The following EPHB2 variants were observed in gnomAD, a reference collection of about 807,000 sequenced individuals.
EPHB2 encodes the protein ephrin type-B receptor 2.
EPHB2 carries 18 observed loss-of-function variants against 96.4 expected under a neutral mutation model. That is an observed-to-expected ratio of 0.19 (90% CI 0.13 to 0.28). The LOEUF is 0.28. Among genes scored for constraint, EPHB2 ranks in the 10% least tolerant of loss-of-function variants. EPHB2 has a pLI of 1.00. For missense variants in EPHB2, 989 were observed against 1,355.4 expected, an observed-to-expected ratio of 0.73 and a Z score of 4.25; for synonymous variants, 506 against 534.1, an observed-to-expected ratio of 0.95 and a Z score of 0.72.
At chr1:22,779,777 G>A (rs1396054295) in intron 1 of EPHB2, among the ~76,000 whole-genome samples, 2 of 152,222 alleles carry the variant, frequency 1.3e-5, no homozygotes, top group Admixed American at 6.5e-5. Flanking sequence ...CTGGACCAGG[G>A]ATAGCATCTC....
intron 1 of EPHB2, among the ~76,000 whole-genome samples, chr1:22,738,543 C>A (rs753605804): frequency 9.2e-5 from 14 of 152,208 alleles, no homozygotes; most frequent in Non-Finnish European, 1.8e-4. Context: ...CAGAAGTCAT[C>A]CAGGTAGTAA....
At chr1:22,812,241 G>A (rs980626930) in intron 3 of EPHB2, among the ~76,000 whole-genome samples, 2 of 152,232 alleles carry the variant, frequency 1.3e-5, no homozygotes, top group Non-Finnish European at 2.9e-5. Context: ...AGGGAGGGAA[G>A]GGGAGCTTCC....
intron 1 of EPHB2, among the ~76,000 whole-genome samples, chr1:22,737,574 C>T (rs1643859204): frequency 6.6e-6 from 1 of 152,232 alleles, no homozygotes; most frequent in African/African-American, 2.4e-5. Context: ...AGGCCCAACT[C>T]AAATGTCCCC....
At chr1:22,891,961 A>ATT (rs528214016) in intron 6 of EPHB2, among the ~76,000 whole-genome samples, 5 of 138,666 alleles carry the variant, frequency 3.6e-5, no homozygotes, top group Non-Finnish European at 6.3e-5. Flanking sequence ...TGCCCAGCTA[A>ATT]TTTTTTTTTT....
chr1:22,843,421 G>C (rs1047744503), intron 3 of EPHB2, among the ~76,000 whole-genome samples: 1 of 152,120 alleles, frequency 6.6e-6, no homozygotes, highest in African/African-American at 2.4e-5. Context: ...TGGGGATTTG[G>C]TGTACAGATT....
chr1:22,881,425 C>T (rs992712597), intron 5 of EPHB2, among the ~76,000 whole-genome samples: 11 of 151,780 alleles, frequency 7.2e-5, no homozygotes, highest in African/African-American at 1.7e-4. Flanking sequence ...GGCATGGTGG[C>T]GCACACCTGT....
At chr1:22,908,949 G>A (rs2124118474) in intron 12 of EPHB2, 73 bp from the exon 13 acceptor site, 4 of 1,595,716 alleles carry the variant, frequency 2.5e-6, no homozygotes, top group South Asian at 1.1e-5. Context: ...CAGGGCACAG[G>A]GTGGGAGGAT....
At chr1:22,831,320 A>G (rs1243746501) in intron 3 of EPHB2, among the ~76,000 whole-genome samples, 5 of 152,258 alleles carry the variant, frequency 3.3e-5, no homozygotes, top group African/African-American at 1.2e-4. Flanking sequence ...ACAAACCCAG[A>G]ACTGGGATGG....
chr1:22,809,733 G>A lies in EPHB2; in HGVS notation c.811+24657G>A, dbSNP rs572715147. Among the ~76,000 whole-genome samples, 69 of 152,286 alleles carry A rather than the reference G, an allele frequency of 4.5e-4. 1 individual carries two copies. The South Asian group carries it at 0.013, about 29-fold the overall frequency. ...GAACAGACCTCCCTCTTGGTCTCTG[G>A]TTGATTGTATGTAGCACTGTATTAG... On this transcript the variant is annotated intron_variant, in intron 3 of 15. Transcript: ENST00000374630.
intron 3 of EPHB2, among the ~76,000 whole-genome samples, chr1:22,787,980 C>T (rs1644636274): frequency 6.6e-6 from 1 of 152,208 alleles, no homozygotes; most frequent in African/African-American, 2.4e-5. Context: ...CAGTGACATT[C>T]CCCAGAGTGA....
At chr1:22,904,860 G>A (rs1639858472) in intron 9 of EPHB2, among the ~76,000 whole-genome samples, 2 of 152,208 alleles carry the variant, frequency 1.3e-5, no homozygotes, top group African/African-American at 2.4e-5. Flanking sequence ...ATATGTCCAA[G>A]GTCACACAGC....
chr1:22,892,165 A>G (rs1639411524), intron 6 of EPHB2, among the ~76,000 whole-genome samples: 1 of 152,060 alleles, frequency 6.6e-6, no homozygotes, highest in African/African-American at 2.4e-5. Context: ...TCTGGACCTT[A>G]GTTCTTGACT....
intron 1 of EPHB2, among the ~76,000 whole-genome samples, chr1:22,712,340 C>A (rs537468388): frequency 2.6e-5 from 4 of 152,182 alleles, no homozygotes; most frequent in Non-Finnish European, 5.9e-5. Context: ...TTTTGTTGCC[C>A]CTAAACTGCG....
At chr1:22,890,460 C>G (rs1293304113) in intron 6 of EPHB2, among the ~76,000 whole-genome samples, 1 of 152,100 alleles carries the variant, frequency 6.6e-6, no homozygotes, top group Non-Finnish European at 1.5e-5. Context: ...TTCATATCCC[C>G]TACATCCCAA....
rs1638224002 is a variant in EPHB2, at chr1:22,860,926, C to T, written c.812-2111C>T. 6.6e-6 allele frequency among the ~76,000 whole-genome samples: 1 copy of T among 151,958 alleles called. No individual in the cohort carries two copies. Among genetic ancestry groups the T allele is most frequent in the Non-Finnish European group, 1.5e-5 (1 of 67,976 alleles). On this transcript the variant is annotated intron_variant, in intron 3 of 15. Coordinates refer to ENST00000374630, the MANE Select transcript of EPHB2 (RefSeq NM_017449.5). The surrounding 1 kb of genome is among the most constrained non-coding windows in gnomAD (Gnocchi z 4.6). ...GAAAGGTCGGTGCCCAAGAGGAAGGCGAGAGGGAGGGCAGGACGACTCAGG... is the reference window on the plus strand; with the variant it reads ...GAAAGGTCGGTGCCCAAGAGGAAGGTGAGAGGGAGGGCAGGACGACTCAGG...
intron 3 of EPHB2, among the ~76,000 whole-genome samples, chr1:22,817,414 C>T (rs1327539818): frequency 6.6e-6 from 1 of 152,232 alleles, no homozygotes; most frequent in African/African-American, 2.4e-5. Flanking sequence ...TTAGAACCCG[C>T]AGTTGCCTGG....
chr1:22,878,734 C>T (rs1173876645), intron 5 of EPHB2, among the ~76,000 whole-genome samples: 2 of 152,234 alleles, frequency 1.3e-5, no homozygotes, highest in East Asian at 1.9e-4. Context: ...GAGCTGCATA[C>T]GGGTCTGTTG....
At chr1:22,747,842 C>T (rs1193624386) in intron 1 of EPHB2, among the ~76,000 whole-genome samples, 1 of 152,208 alleles carries the variant, frequency 6.6e-6, no homozygotes, top group East Asian at 1.9e-4. Context: ...GTTGGGTGGC[C>T]CCACTCAGCC....
At chr1:22,882,223 G>A (rs1007681684) in intron 5 of EPHB2, 136 bp from the exon 6 acceptor site, 6 of 1,483,144 alleles carry the variant, frequency 4.0e-6, no homozygotes, top group Non-Finnish European at 5.5e-6. Context: ...CCCCGAGACT[G>A]GCTCTGTGGC....
Sources: gnomAD v4.1 joint callset for allele counts (sites outside exome capture counted in the v4.1 genomes callset) on GRCh38, gnomAD v4.1.1 for gene constraint, Gnocchi (gnomAD v3.1) non-coding constraint, MANE v1.5 for transcripts, NCBI Gene and HGNC (gene_info 2026-07-23, HGNC 2026-07-21) for gene names.